The following RAB5B variants were observed in gnomAD, a reference collection of about 807,000 sequenced individuals.
RAB5B encodes RAB5B, member RAS oncogene family, also known as ras-related protein Rab-5B.
In RAB5B, 11 loss-of-function variants were observed where a neutral mutation model predicts 28.6. The ratio of observed to expected loss-of-function variants is 0.38; its 90% CI spans 0.24 to 0.64. RAB5B has a LOEUF of 0.64. Among genes scored for constraint, RAB5B ranks in the 30% least tolerant of loss-of-function variants. The pLI, the probability that RAB5B is intolerant of heterozygous loss-of-function variation, is 0.53. For missense variants in RAB5B, 169 were observed against 265.6 expected, an observed-to-expected ratio of 0.64 and a Z score of 2.53; for synonymous variants, 93 against 97.9, an observed-to-expected ratio of 0.95 and a Z score of 0.29.
At chr12:55,987,610 A>G (rs1361127835) in intron 2 of RAB5B, among the ~76,000 whole-genome samples, 1 of 151,982 alleles carries the variant, frequency 6.6e-6, no homozygotes, top group African/African-American at 2.4e-5. Context: ...TGGGCGGATC[A>G]CCTGAGGTCA....
At chr12:55,983,856 C>T (rs111269503) in intron 1 of RAB5B, among the ~76,000 whole-genome samples, 23 of 152,002 alleles carry the variant, frequency 1.5e-4, no homozygotes, top group African/African-American at 4.8e-4. Context: ...GACTCAGTCT[C>T]GCTATGTTGC....
chr12:55,983,056 T>C (rs902304668), intron 1 of RAB5B, among the ~76,000 whole-genome samples: 1 of 152,138 alleles, frequency 6.6e-6, no homozygotes, highest in Non-Finnish European at 1.5e-5. Context: ...TTTTTTATTA[T>C]GGTGTCACCT....
At chr12:55,976,002 G>A (rs1181405372) in intron 1 of RAB5B, among the ~76,000 whole-genome samples, 1 of 151,072 alleles carries the variant, frequency 6.6e-6, no homozygotes, top group Non-Finnish European at 1.5e-5. Flanking sequence ...CGCCCACCTC[G>A]GCCTCCCAAA....
In RAB5B at chr12:55,992,358, C is replaced by A; in HGVS notation, c.*146C>A. 1 of 724,504 alleles carries A rather than the reference C, an allele frequency of 1.4e-6. No individual in the cohort carries two copies. Among genetic ancestry groups the A allele is most frequent in the South Asian group, 1.6e-5 (1 of 63,868 alleles). The allele number at this position is 724,504 out of a possible 1,614,324, so 44.9% of individuals were successfully genotyped here. On this transcript the variant is annotated 3_prime_UTR_variant, in exon 6 of 6. Transcript: ENST00000360299. ...CTGCCTCCTGACAGCTCCGTCATGG[C>A]ACTTTTTAACGCTTCAGCAACAAAC...
chr12:55,990,023 G>A lies in RAB5B; in HGVS notation c.240G>A (p.Glu80=). 6.2e-7 allele frequency: 1 copy of A among 1,614,186 alleles called. No individual in the cohort carries two copies. The highest frequency in any genetic ancestry group is 8.5e-7 in the Non-Finnish European group (1 of 1,180,002). The change falls in exon 3 of 6, where the codon GAG becomes GAA. Residue 80 remains glutamate (E), a synonymous_variant. Coordinates refer to ENST00000360299, the MANE Select transcript of RAB5B (RefSeq NM_002868.4). The part of the protein sequence containing the change: ...KFEIWDTAGQ[E]RYHSLAPMYY... ...AGATCTGGGACACAGCTGGGCAGGA[G>A]CGATATCACAGCTTAGCCCCCATGT...
At chr12:55,988,891 A>G (rs1253064225) in intron 2 of RAB5B, among the ~76,000 whole-genome samples, 2 of 151,296 alleles carry the variant, frequency 1.3e-5, no homozygotes, top group Non-Finnish European at 2.9e-5. Context: ...TAATATTGAT[A>G]ATGATGGGAC....
At chr12:55,984,518 C>G (rs1364507035) in intron 1 of RAB5B, among the ~76,000 whole-genome samples, 2 of 151,882 alleles carry the variant, frequency 1.3e-5, no homozygotes, top group African/African-American at 4.8e-5. Context: ...CTCGCTCTGT[C>G]ACCCAGGCTG....
At chr12:55,977,026 G>A (rs1592791838) in intron 1 of RAB5B, among the ~76,000 whole-genome samples, 1 of 152,248 alleles carries the variant, frequency 6.6e-6, no homozygotes, top group East Asian at 1.9e-4. Context: ...CCAGGCTGGA[G>A]TGCAGTGGCA....
chr12:55,987,008 C>T lies in RAB5B; in HGVS notation c.48C>T (p.Ser16=). The change falls in exon 2 of 6, where the codon AGC becomes AGT. Residue 16 remains serine (S), a synonymous_variant. Coordinates refer to ENST00000360299, the MANE Select transcript of RAB5B (RefSeq NM_002868.4). ...GGCCCAATGGGCAACCCCAGGCCAG[C>T]AAAATTTGCCAGTTCAAATTGGTCC... ...TARPNGQPQA[S]KICQFKLVLL... is the part of the protein sequence containing the mutation. The T allele has an allele frequency of 6.2e-7, 1 of 1,613,026 alleles. No homozygotes were observed. Among genetic ancestry groups the T allele is most frequent in the Non-Finnish European group, 8.5e-7 (1 of 1,179,772 alleles).
At chr12:55,976,495 G>T (rs761258763) in intron 1 of RAB5B, among the ~76,000 whole-genome samples, 3 of 152,164 alleles carry the variant, frequency 2.0e-5, no homozygotes, top group Non-Finnish European at 2.9e-5. Flanking sequence ...GATCATTTTG[G>T]TTGGGATAAT....
At chr12:55,982,170 G>T (rs1889825276) in intron 1 of RAB5B, among the ~76,000 whole-genome samples, 1 of 148,814 alleles carries the variant, frequency 6.7e-6, no homozygotes, top group Non-Finnish European at 1.5e-5. Flanking sequence ...GAAAGGAAGA[G>T]AAACCTGCCC....
chr12:55,996,623 T>G lies in RAB5B; in HGVS notation c.*4411T>G, dbSNP rs2136500976. 1 of 152,102 alleles carries G rather than the reference T, an allele frequency of 6.6e-6. No homozygotes were observed. Among genetic ancestry groups the G allele is most frequent in the East Asian group, 1.9e-4 (1 of 5,176 alleles). 9.4% of individuals were successfully genotyped at this position (152,102 alleles called of 1,614,324 possible). A position where few individuals can be genotyped will look rare whatever the true frequency, so the allele number is the denominator to read the frequency against. ...CTCCCGAGTACTGGGACTACAGGCG[T>G]GTGCCACCAAGGGGCGATTATTATT... On this transcript the variant is annotated 3_prime_UTR_variant, in exon 6 of 6. Transcript: ENST00000360299.
intron 1 of RAB5B, chr12:55,985,836 C>A: frequency 2.5e-6 from 1 of 400,278 alleles, no homozygotes; most frequent in Non-Finnish European, 5.0e-6. Flanking sequence ...GAGAGTAGGT[C>A]AAGCTTACTG....
chr12:55,995,556 C>T lies in RAB5B; in HGVS notation c.*3344C>T, dbSNP rs971817292. On this transcript the variant is annotated 3_prime_UTR_variant, in exon 6 of 6. Transcript: ENST00000360299. Reference sequence around the variant, plus strand: ...AGTGTACTTCAAACCCTTCAGTCCACCACAGTCTAAAGGTCGAGGGAAGGG... The same window carrying T: ...AGTGTACTTCAAACCCTTCAGTCCATCACAGTCTAAAGGTCGAGGGAAGGG... 6.6e-6 allele frequency: 1 copy of T among 152,240 alleles called. No individual in the cohort carries two copies. Among genetic ancestry groups the T allele is most frequent in the East Asian group, 1.9e-4 (1 of 5,186 alleles). 9.4% of individuals were successfully genotyped at this position (152,240 alleles called of 1,614,324 possible). A position where few individuals can be genotyped will look rare whatever the true frequency, so the allele number is the denominator to read the frequency against.
chr12:55,990,966 G>A, intron 4 of RAB5B, 162 bp downstream of exon 4: 2 of 940,658 alleles, frequency 2.1e-6, no homozygotes, highest in Non-Finnish European at 1.6e-6. Context: ...CCTAATGACA[G>A]CCAGGAGATT....
chr12:55,989,425 C>T (rs747885405), intron 2 of RAB5B, among the ~76,000 whole-genome samples: 2 of 152,062 alleles, frequency 1.3e-5, no homozygotes, highest in Non-Finnish European at 1.5e-5. Flanking sequence ...CAGGTGTCCA[C>T]CACCACGCCT....
intron 1 of RAB5B, among the ~76,000 whole-genome samples, chr12:55,984,085 G>A (rs1449443314): frequency 6.6e-6 from 1 of 150,696 alleles, no homozygotes; most frequent in Non-Finnish European, 1.5e-5. Flanking sequence ...GTGGTGGCAC[G>A]ATCTCGGCTC....
chr12:55,978,164 G>A (rs80075418), intron 1 of RAB5B, among the ~76,000 whole-genome samples: 1 of 152,332 alleles, frequency 6.6e-6, no homozygotes, highest in East Asian at 1.9e-4. Context: ...GGAGATCACA[G>A]AGGAGCCAGG....
At chr12:55,975,790 C>CTTT (rs1163535431) in intron 1 of RAB5B, among the ~76,000 whole-genome samples, 232 of 115,140 alleles carry the variant, frequency 2.0e-3, no homozygotes, top group Middle Eastern at 0.01. Context: ...CACTACATTT[C>CTTT]TTTTTTTTTT....
Sources: gnomAD v4.1 joint callset for allele counts (sites outside exome capture counted in the v4.1 genomes callset) on GRCh38, gnomAD v4.1.1 for gene constraint, MANE v1.5 for transcripts, NCBI Gene and HGNC (gene_info 2026-07-23, HGNC 2026-07-21) for gene names.